The following ZNF618 variants were observed in gnomAD, a reference collection of about 807,000 sequenced individuals.
ZNF618 encodes the protein zinc finger protein 618, also known as neural precursor cell expressed, developmentally down-regulated 10.
ZNF618 carries 34 observed loss-of-function variants against 103.0 expected under a neutral mutation model. The ratio of observed to expected loss-of-function variants is 0.33; its 90% CI spans 0.25 to 0.44. ZNF618 has a LOEUF of 0.44. Among genes scored for constraint, ZNF618 ranks in the 20% least tolerant of loss-of-function variants. The pLI, the probability that ZNF618 is intolerant of heterozygous loss-of-function variation, is 1.00. For missense variants in ZNF618, 1,059 were observed against 1,295.4 expected (o/e 0.82, Z 2.80); for synonymous variants, 551 against 542.2 (o/e 1.02, Z -0.23).
At chr9:113,978,218 G>T (rs1205978133) in intron 2 of ZNF618, among the ~76,000 whole-genome samples, 1 of 152,236 alleles carries the variant, frequency 6.6e-6, no homozygotes, top group African/African-American at 2.4e-5. Context: ...AGGCGGAATA[G>T]TAAGTACCAG....
intron 1 of ZNF618, among the ~76,000 whole-genome samples, chr9:113,941,255 C>T (rs554767239): frequency 1.1e-4 from 17 of 152,260 alleles, no homozygotes; most frequent in African/African-American, 4.1e-4. Context: ...CCTCATTCTC[C>T]TTCCATAGTT....
chr9:114,049,504 C>T lies in ZNF618; in HGVS notation c.2202C>T (p.Asn734=). The T allele has an allele frequency of 1.9e-6, 3 of 1,613,522 alleles. No homozygotes were observed. The highest frequency in any genetic ancestry group is 2.5e-6 in the Non-Finnish European group (3 of 1,179,690). ...IQSLNKHLLS[N]LAAILTPVKQ... is the part of the protein sequence containing the mutation. ...GCCTCAACAAGCACCTGCTCAGCAACCTGGCGGCCATCCTGACGCCGGTGA... is the reference window on the plus strand; with the variant it reads ...GCCTCAACAAGCACCTGCTCAGCAATCTGGCGGCCATCCTGACGCCGGTGA... The change falls in exon 15 of 15, where the codon AAC becomes AAT. Residue 734 remains asparagine (N), a synonymous_variant. Transcript: ENST00000374126.
rs111639135 is a variant in ZNF618 at position 114,052,938 on chromosome 9, A to C, written c.*2771A>C. The C allele has an allele frequency of 6.6e-6, 1 of 152,198 alleles. No individual in the cohort carries two copies. The highest frequency in any genetic ancestry group is 1.5e-5 in the Non-Finnish European group (1 of 68,036). 9.4% of individuals were successfully genotyped at this position (152,198 alleles called of 1,614,324 possible). On this transcript the variant is annotated 3_prime_UTR_variant, in exon 15 of 15. Coordinates refer to ENST00000374126, the MANE Select transcript of ZNF618 (RefSeq NM_001318042.2). ...CACTTCTTTTCCACCTCAATTCAAT[A>C]CTTAGGGGTTGGCTTGCCTCTGCAG...
chr9:113,959,146 G>A (rs1021122507), intron 1 of ZNF618, among the ~76,000 whole-genome samples: 4 of 152,040 alleles, frequency 2.6e-5, no homozygotes, highest in Non-Finnish European at 4.4e-5. Context: ...AAAATTAGCC[G>A]GGCGTCGTGG....
intron 13 of ZNF618, among the ~76,000 whole-genome samples, chr9:114,044,823 G>A (rs912669267): frequency 4.0e-5 from 6 of 151,278 alleles, no homozygotes; most frequent in African/African-American, 1.5e-4. Context: ...TTTTTGGTGG[G>A]GCAGTTTTTT....
rs368697031 is a variant in ZNF618 at position 114,013,718 on chromosome 9, A to G, written c.755-2977A>G. ...AGTGCTGGGATTACAGGCGTGAGCC[A>G]CCACACCCAGCCAGGGTTTTATTTT... On this transcript the variant is annotated intron_variant, in intron 9 of 14. Coordinates refer to ENST00000374126, the MANE Select transcript of ZNF618 (RefSeq NM_001318042.2). Among the ~76,000 whole-genome samples the G allele has an allele frequency of 3.0e-4, 46 of 152,360 alleles. 1 individual carries two copies. The East Asian group carries it at 7.9e-3, about 26-fold the overall frequency.
At chr9:114,027,663 TAC>T (rs1843631914) in intron 10 of ZNF618, among the ~76,000 whole-genome samples, 1 of 152,204 alleles carries the variant, frequency 6.6e-6, no homozygotes, top group African/African-American at 2.4e-5. Context: ...AGGCTCTGCA[TAC>T]AGTGCCCAGG....
In ZNF618 at chr9:114,030,595, G is replaced by C. The variant is rs182818872; in HGVS notation, c.1084+1623G>C. ...TGCCTTCATGTGCCTTGGAAGACTT[G>C]TGGGTAGGGGTCACCTCTGGATTCA... On this transcript the variant is annotated intron_variant, in intron 11 of 14. Coordinates refer to ENST00000374126, the MANE Select transcript of ZNF618 (RefSeq NM_001318042.2). 8.5e-5 allele frequency among the ~76,000 whole-genome samples: 13 copies of C among 152,330 alleles called. No individual in the cohort carries two copies. The East Asian group carries it at 2.5e-3, about 29-fold the overall frequency.
chr9:113,991,504 G>A (rs1347411386), intron 3 of ZNF618, among the ~76,000 whole-genome samples: 1 of 152,186 alleles, frequency 6.6e-6, no homozygotes, highest in Non-Finnish European at 1.5e-5. Context: ...TATGTGAAGT[G>A]CTCAACATTG....
At chr9:113,980,379 G>A (rs148390455) in intron 2 of ZNF618, among the ~76,000 whole-genome samples, 283 of 151,966 alleles carry the variant, frequency 1.9e-3, no homozygotes, top group African/African-American at 6.5e-3. Context: ...TCTGGAGTTC[G>A]GTGGGGGGCC....
At chr9:113,986,824 C>T (rs190314186) in intron 2 of ZNF618, among the ~76,000 whole-genome samples, 3 of 152,326 alleles carry the variant, frequency 2.0e-5, no homozygotes, top group African/African-American at 7.2e-5. Context: ...CCCAACCTTT[C>T]TCCACCTTGG....
At chr9:114,011,709 G>T (rs1052537870) in intron 9 of ZNF618, among the ~76,000 whole-genome samples, 1 of 152,234 alleles carries the variant, frequency 6.6e-6, no homozygotes, top group Non-Finnish European at 1.5e-5. Flanking sequence ...CACCCTGGCA[G>T]GAGTGAGTGC....
intron 1 of ZNF618, among the ~76,000 whole-genome samples, chr9:113,920,766 A>AT (rs1344930311): frequency 1.1e-4 from 16 of 152,344 alleles, no homozygotes; most frequent in Admixed American, 1.0e-3. Context: ...GAAAGAATGG[A>AT]TATGAAGTGG....
chr9:113,986,861 C>T (rs900142958), intron 2 of ZNF618, among the ~76,000 whole-genome samples: 3 of 152,282 alleles, frequency 2.0e-5, no homozygotes, highest in Admixed American at 6.5e-5. Flanking sequence ...GGAAGGACAG[C>T]AGATGTGATT....
At chr9:114,038,489 C>G (rs993438262) in intron 13 of ZNF618, among the ~76,000 whole-genome samples, 1 of 152,190 alleles carries the variant, frequency 6.6e-6, no homozygotes, top group African/African-American at 2.4e-5. Flanking sequence ...AGGCTTGGCT[C>G]CATAGAGAGA....
chr9:113,972,620 G>A (rs940041849), intron 2 of ZNF618, among the ~76,000 whole-genome samples: 1 of 152,160 alleles, frequency 6.6e-6, no homozygotes, highest in Non-Finnish European at 1.5e-5. Context: ...CTGTAGGCTG[G>A]AGGCCTATCA....
intron 1 of ZNF618, among the ~76,000 whole-genome samples, chr9:113,904,182 C>CT (rs201899646): frequency 0.22 from 31,440 of 144,806 alleles, 3,450 homozygotes; most frequent in Non-Finnish European, 0.26. Flanking sequence ...CTAACCTCTT[C>CT]TTTTTTTTTT....
At chr9:113,996,647 C>G (rs1478465085) in intron 3 of ZNF618, among the ~76,000 whole-genome samples, 1 of 152,170 alleles carries the variant, frequency 6.6e-6, no homozygotes, top group Non-Finnish European at 1.5e-5. Flanking sequence ...GCGACTGTTG[C>G]ATCACTTGTG....
rs777338885 is a variant in ZNF618 at position 114,048,718 on chromosome 9, G to T, written c.1416G>T (p.Arg472=). Residue 472 remains arginine, a synonymous_variant, in exon 15 of 15, where the codon CGG becomes CGT. Coordinates refer to ENST00000374126, the MANE Select transcript of ZNF618 (RefSeq NM_001318042.2). ...PEKERQNIAE[R]LLRVMCADLG... ...AGGAGCGGCAGAACATCGCAGAGCGGCTGTTGAGGGTCATGTGTGCCGACC... is the reference window on the plus strand; with the variant it reads ...AGGAGCGGCAGAACATCGCAGAGCGTCTGTTGAGGGTCATGTGTGCCGACC... 1.4e-5 allele frequency: 22 copies of T among 1,613,916 alleles called. No homozygotes were observed. The highest frequency in any genetic ancestry group is 3.3e-4 in the Middle Eastern group (2 of 6,084).
Sources: allele counts gnomAD v4.1 joint callset (sites outside exome capture counted in the v4.1 genomes callset), GRCh38; gene constraint gnomAD v4.1.1; transcripts MANE v1.5; gene names NCBI Gene and HGNC (gene_info 2026-07-23, HGNC 2026-07-21).